SATL1: variants seen among roughly 807,000 people sequenced by gnomAD.
The protein encoded by SATL1 is spermidine/spermine N(1)-acetyltransferase-like protein 1.
A neutral mutation model predicts 51.8 loss-of-function variants in SATL1; 47 were observed. The ratio of observed to expected loss-of-function variants is 0.91; its 90% CI spans 0.72 to 1.16. The LOEUF is 1.16. Ranked by LOEUF, SATL1 falls within the 50% of genes most tolerant of loss-of-function variation. The pLI is 0.00. For synonymous variants in SATL1, 176 were observed against 182.4 expected (o/e 0.97, Z 0.28); for missense variants, 520 against 526.4 (o/e 0.99, Z 0.12).
At chrX:85,141,883 C>T (rs1048611718) in intron 2 of SATL1, among the ~76,000 whole-genome samples, 1 of 107,763 alleles carries the variant, frequency 9.3e-6, no homozygotes, top group African/African-American at 3.4e-5. Flanking sequence ...TTATTTGTCT[C>T]TTACCATAAT....
At chrX:85,196,516 A>G (rs1401745169) in intron 2 of SATL1, among the ~76,000 whole-genome samples, 1 of 111,670 alleles carries the variant, frequency 9.0e-6, no homozygotes, top group Non-Finnish European at 1.9e-5. Context: ...ACAATCTTGA[A>G]AAAGAGGAAC....
At chrX:85,183,851 C>A (rs1484790764) in intron 2 of SATL1, among the ~76,000 whole-genome samples, 4 of 110,786 alleles carry the variant, frequency 3.6e-5, no homozygotes, top group African/African-American at 1.3e-4. Context: ...TTGACTGTAG[C>A]CATCCTGCTA....
chrX:85,131,766 T>A (rs1925810424), intron 2 of SATL1, among the ~76,000 whole-genome samples: 1 of 112,026 alleles, frequency 8.9e-6, no homozygotes, highest in African/African-American at 3.2e-5. Flanking sequence ...CAATTTGGCA[T>A]GTTTTTGCAG....
At chrX:85,207,116 T>C (rs1487605549) in intron 2 of SATL1, 1 of 111,559 alleles carries the variant, frequency 9.0e-6, no homozygotes, top group Non-Finnish European at 1.9e-5. Flanking sequence ...AGAAAAATAA[T>C]TAATTAGGGA....
chrX:85,211,950 C>T (rs1457156041), intron 2 of SATL1: 1 of 111,471 alleles, frequency 9.0e-6, no homozygotes, highest in Non-Finnish European at 1.9e-5. Context: ...TATTATATTT[C>T]AAACTTCCCT....
chrX:85,126,211 C>T (rs967212716), intron 2 of SATL1, among the ~76,000 whole-genome samples: 3 of 111,010 alleles, frequency 2.7e-5, no homozygotes, highest in African/African-American at 9.8e-5. Context: ...CCCTATCATC[C>T]ATCACCCCAG....
chrX:85,159,435 T>G (rs1344504229), intron 2 of SATL1, among the ~76,000 whole-genome samples: 1 of 110,364 alleles, frequency 9.1e-6, no homozygotes, highest in Non-Finnish European at 1.9e-5. Flanking sequence ...GAGATTGAGG[T>G]TGCATGCTCC....
At chrX:85,157,281 T>C (rs769641466) in intron 2 of SATL1, among the ~76,000 whole-genome samples, 1 of 110,373 alleles carries the variant, frequency 9.1e-6, no homozygotes, top group South Asian at 3.8e-4. Flanking sequence ...TACTTTCTAG[T>C]TGAAGTCAAA....
At chrX:85,223,060 T>G (rs1158732260) in intron 2 of SATL1, among the ~76,000 whole-genome samples, 1 of 111,964 alleles carries the variant, frequency 8.9e-6, no homozygotes, top group African/African-American at 3.2e-5. Context: ...TATTCATCCC[T>G]TCTGAGATTT....
intron 1 of SATL1, among the ~76,000 whole-genome samples, chrX:85,232,621 T>G (rs954673390): frequency 8.9e-6 from 1 of 111,950 alleles, no homozygotes; most frequent in Non-Finnish European, 1.9e-5. Flanking sequence ...GAATAGCCCT[T>G]GGGCCTTGAG....
At chrX:85,139,825 A>G (rs1044932930) in intron 2 of SATL1, among the ~76,000 whole-genome samples, 1 of 111,852 alleles carries the variant, frequency 8.9e-6, no homozygotes, top group African/African-American at 3.2e-5. Flanking sequence ...ATTTCTATGA[A>G]CACCCCAACC....
At chrX:85,158,327 C>T (rs754024671) in intron 2 of SATL1, among the ~76,000 whole-genome samples, 1 of 111,685 alleles carries the variant, frequency 9.0e-6, no homozygotes, top group Non-Finnish European at 1.9e-5. Context: ...TCCACTTTTA[C>T]GTTTAGCACA....
intron 2 of SATL1, among the ~76,000 whole-genome samples, chrX:85,218,576 A>C (rs751340403): frequency 8.9e-6 from 1 of 112,063 alleles, no homozygotes; most frequent in South Asian, 3.7e-4. Context: ...CTGTGAAAAC[A>C]ATTAGTCATG....
rs1486811862 is a variant in SATL1, at chrX:85,207,897, GTTA to G, written c.-313+16305_-313+16307del. On this transcript the variant is annotated intron_variant, in intron 2 of 7. Coordinates refer to ENST00000644105, the MANE Select transcript of SATL1 (RefSeq NM_001367857.2). ...ACCAGGACAGTCCCAGTATCTGTCT[GTTA>G]TTATTAATTTTTTAAATTATACTTT... 1.2e-4 allele frequency: 14 copies of G among 112,234 alleles called. No individual in the cohort carries two copies. The Middle Eastern group carries it at 9.8e-3, about 79-fold the overall frequency. 9.2% of individuals were successfully genotyped at this position (112,234 alleles called of 1,213,427 possible).
chrX:85,142,070 T>C (rs1462096604), intron 2 of SATL1, among the ~76,000 whole-genome samples: 1 of 105,444 alleles, frequency 9.5e-6, no homozygotes, highest in Non-Finnish European at 2.0e-5. Flanking sequence ...TTTATTGCTA[T>C]GATATTATAA....
At chrX:85,206,511 A>T (rs1237840688) in intron 2 of SATL1, among the ~76,000 whole-genome samples, 5 of 111,875 alleles carry the variant, frequency 4.5e-5, no homozygotes, top group Non-Finnish European at 9.4e-5. Flanking sequence ...TCAGAGGAGG[A>T]CAGAGCAATT....
chrX:85,096,260 G>GA lies in SATL1; in HGVS notation c.1694-1265dup, dbSNP rs898391988. ...AGCTTAAAAGTTCAATAACTGAAATGAAAAAAAAATGCACTGTACTGGAGG... is the reference window on the plus strand; with the variant it reads ...AGCTTAAAAGTTCAATAACTGAAATGAAAAAAAAAATGCACTGTACTGGAGG... On this transcript the variant is annotated intron_variant, in intron 4 of 7. Coordinates refer to ENST00000644105, the MANE Select transcript of SATL1 (RefSeq NM_001367857.2). Among the ~76,000 whole-genome samples, 150 of 108,065 alleles carry GA rather than the reference G, an allele frequency of 1.4e-3. 1 individual carries two copies. In the East Asian group the frequency reaches 0.014, roughly 10 times the overall value. 93.8% of individuals were successfully genotyped at this position (108,065 alleles called of 115,157 possible).
chrX:85,178,140 G>A (rs922096151), intron 2 of SATL1, among the ~76,000 whole-genome samples: 1 of 111,343 alleles, frequency 9.0e-6, no homozygotes, highest in South Asian at 3.7e-4. Flanking sequence ...TATGTCATAT[G>A]TCAAGGTTAC....
Position 85,107,674 on chromosome X carries a change from C to G in SATL1, c.1295G>C (p.Ser432Thr). Residue 432 changes from serine to threonine, a missense_variant, in exon 3 of 8, where the codon AGT (serine) becomes ACT (threonine). By Grantham distance (58) the Ser-to-Thr change is moderately conservative. Coordinates refer to ENST00000644105, the MANE Select transcript of SATL1 (RefSeq NM_001367857.2). The part of the protein sequence containing the change: ...SQPVPRQPNK[S>T]PPGMWQRGMW... ...GCCTCGTTGCCACATGCCTGGTGGA[C>G]TCTTGTTTGGTTGCCTCGGGACTGG... 1 of 1,211,913 alleles carries G rather than the reference C, an allele frequency of 8.3e-7. No individual in the cohort carries two copies.
Sources: allele counts gnomAD v4.1 joint callset (sites outside exome capture counted in the v4.1 genomes callset), GRCh38; gene constraint gnomAD v4.1.1; transcripts MANE v1.5; gene names NCBI Gene and HGNC (gene_info 2026-07-23, HGNC 2026-07-21).